The following PAIP2 variants were observed in gnomAD, a reference collection of about 807,000 sequenced individuals.
PAIP2 encodes the protein polyadenylate-binding protein-interacting protein 2.
PAIP2 carries 7 observed loss-of-function variants against 14.8 expected under a neutral mutation model. The observed-to-expected ratio is 0.47, with a 90% CI of 0.27 to 0.89. PAIP2 has a LOEUF of 0.89. Among genes scored for constraint, PAIP2 ranks in the 40% least tolerant of loss-of-function variants. The probability of loss-of-function intolerance (pLI) is 0.13; values close to 1 mark genes in which losing one functional copy is unlikely to be tolerated. For synonymous variants in PAIP2, 47 were observed against 45.3 expected (o/e 1.04, Z -0.15); for missense variants, 122 against 154.7 (o/e 0.79, Z 1.12).
intron 3 of PAIP2, among the ~76,000 whole-genome samples, chr5:139,366,567 G>C (rs1031926071): frequency 7.2e-5 from 11 of 152,278 alleles, no homozygotes; most frequent in Admixed American, 3.9e-4. Context: ...TAGTCTGGAG[G>C]GGGGTATGAT....
intron 1 of PAIP2, among the ~76,000 whole-genome samples, chr5:139,346,687 A>G (rs1213594400): frequency 6.8e-6 from 1 of 147,994 alleles, no homozygotes; most frequent in Non-Finnish European, 1.5e-5. Context: ...GTGCACCTCC[A>G]TGTCCAGCTA....
chr5:139,362,343 C>G (rs1393843527), intron 1 of PAIP2, among the ~76,000 whole-genome samples: 1 of 150,950 alleles, frequency 6.6e-6, no homozygotes, highest in East Asian at 1.9e-4. Flanking sequence ...ACCTCAGCCT[C>G]CTGAGTAGCT....
chr5:139,359,806 C>T (rs1757016879), intron 1 of PAIP2, among the ~76,000 whole-genome samples: 1 of 151,238 alleles, frequency 6.6e-6, no homozygotes, highest in Admixed American at 6.6e-5. Flanking sequence ...CCTGTCTCTA[C>T]TAAAAATACA....
chr5:139,365,784 T>A (rs1757217028), intron 3 of PAIP2, among the ~76,000 whole-genome samples: 1 of 152,262 alleles, frequency 6.6e-6, no homozygotes, highest in Non-Finnish European at 1.5e-5. Context: ...TAGCCCCTGC[T>A]TTTAGTCCTG....
intron 3 of PAIP2, chr5:139,367,474 C>G (rs1187695078): frequency 6.6e-6 from 1 of 152,052 alleles, no homozygotes; most frequent in East Asian, 1.9e-4. Flanking sequence ...CCATTCCCCC[C>G]CACCCCTTTT....
intron 1 of PAIP2, among the ~76,000 whole-genome samples, chr5:139,362,766 C>T (rs1757108271): frequency 6.6e-6 from 1 of 151,734 alleles, no homozygotes; most frequent in African/African-American, 2.4e-5. Context: ...TCTCAAACTC[C>T]TGACCTTAAA....
At chr5:139,360,387 T>C (rs893514348) in intron 1 of PAIP2, among the ~76,000 whole-genome samples, 1 of 152,256 alleles carries the variant, frequency 6.6e-6, no homozygotes, top group Admixed American at 6.5e-5. Flanking sequence ...TCTTGTCTGC[T>C]TTTACAGTGC....
chr5:139,361,602 G>C (rs1233359441), intron 1 of PAIP2, among the ~76,000 whole-genome samples: 1 of 152,118 alleles, frequency 6.6e-6, no homozygotes, highest in African/African-American at 2.4e-5. Context: ...ATCAGCTATT[G>C]AGTAGTATAA....
At chr5:139,342,317 G>C (rs1756404511) in intron 1 of PAIP2, 1 of 152,086 alleles carries the variant, frequency 6.6e-6, no homozygotes, top group East Asian at 1.9e-4. Flanking sequence ...TCCCTCCGCC[G>C]GGTACCCTTT....
chr5:139,346,516 G>A lies in PAIP2; in HGVS notation c.-27+4536G>A, dbSNP rs556519453. ...CTCCCAAAGTGTTGGGATTACAGGC[G>A]TGAGCCACCGCACCTGGCCTATTTT... On this transcript the variant is annotated intron_variant, in intron 1 of 3. Coordinates refer to ENST00000265192, the MANE Select transcript of PAIP2 (RefSeq NM_016480.5). Among the ~76,000 whole-genome samples the A allele has an allele frequency of 4.6e-5, 7 of 151,452 alleles. No homozygotes were observed. The South Asian group carries it at 1.0e-3, about 23-fold the overall frequency.
chr5:139,363,618 A>G, intron 1 of PAIP2, 141 bp from the exon 2 acceptor site: 1 of 633,780 alleles, frequency 1.6e-6, no homozygotes, highest in Non-Finnish European at 2.6e-6. Context: ...GTTACTTGGG[A>G]GGCTGAGGCA....
At chr5:139,343,181 A>T (rs1365025052) in intron 1 of PAIP2, 1 of 152,220 alleles carries the variant, frequency 6.6e-6, no homozygotes, top group Non-Finnish European at 1.5e-5. Context: ...TTCTGTTTCC[A>T]GTTAGTGAAA....
intron 1 of PAIP2, among the ~76,000 whole-genome samples, chr5:139,351,283 T>C (rs930161223): frequency 2.0e-5 from 3 of 151,770 alleles, no homozygotes; most frequent in African/African-American, 7.3e-5. Flanking sequence ...CAGGAATATA[T>C]CCTATACGAA....
At chr5:139,352,574 C>T (rs979340885) in intron 1 of PAIP2, among the ~76,000 whole-genome samples, 6 of 143,872 alleles carry the variant, frequency 4.2e-5, no homozygotes, top group African/African-American at 7.6e-5. Flanking sequence ...CTTGGCTCAC[C>T]GCAACCTCTG....
intron 3 of PAIP2, among the ~76,000 whole-genome samples, chr5:139,366,584 C>T (rs1031284594): frequency 2.6e-5 from 4 of 152,164 alleles, no homozygotes; most frequent in Admixed American, 6.5e-5. Flanking sequence ...TGATTACTTA[C>T]GGCTACATTA....
At chr5:139,367,838 A>T (rs573976891) in intron 3 of PAIP2, among the ~76,000 whole-genome samples, 205 of 152,310 alleles carry the variant, frequency 1.3e-3, no homozygotes, top group African/African-American at 4.8e-3. Flanking sequence ...CCTTTAACTT[A>T]TGTGAAGTTA....
chr5:139,369,323 C>T lies in PAIP2; in HGVS notation c.*525C>T, dbSNP rs1757504010. 6.5e-6 allele frequency: 1 copy of T among 152,816 alleles called. No individual in the cohort carries two copies. The allele number at this position is 152,816 out of a possible 1,614,324, so 9.5% of individuals were successfully genotyped here. On this transcript the variant is annotated 3_prime_UTR_variant, in exon 4 of 4. Coordinates refer to ENST00000265192, the MANE Select transcript of PAIP2 (RefSeq NM_016480.5). ...GTTAGTCAGCAGATGAGTGCCAGTCCAGCCTTTTCTGGTATGTTATTGTTA... is the reference window on the plus strand; with the variant it reads ...GTTAGTCAGCAGATGAGTGCCAGTCTAGCCTTTTCTGGTATGTTATTGTTA...
intron 1 of PAIP2, among the ~76,000 whole-genome samples, chr5:139,344,888 T>G (rs1447693526): frequency 6.6e-6 from 1 of 152,040 alleles, no homozygotes; most frequent in Admixed American, 6.6e-5. Context: ...ACCGAGATAG[T>G]TAATGCCAAT....
At chr5:139,364,896 G>A (rs1014352182) in intron 3 of PAIP2, 153 bp downstream of exon 3, 4 of 537,076 alleles carry the variant, frequency 7.4e-6, no homozygotes, top group Non-Finnish European at 9.6e-6. Flanking sequence ...TGTAATCCCA[G>A]CACTTTGGGA....
Sources: allele counts gnomAD v4.1 joint callset (sites outside exome capture counted in the v4.1 genomes callset), GRCh38; gene constraint gnomAD v4.1.1; transcripts MANE v1.5; gene names NCBI Gene and HGNC (gene_info 2026-07-23, HGNC 2026-07-21).